Variants in PRKN observed in about 807,000 individuals in gnomAD.
PRKN encodes the protein E3 ubiquitin-protein ligase parkin.
In PRKN, 56 loss-of-function variants were observed where a neutral mutation model predicts 59.5. That is an observed-to-expected ratio of 0.94 (90% CI 0.76 to 1.18). The LOEUF is 1.18. Ranked by LOEUF, PRKN falls within the 50% of genes most tolerant of loss-of-function variation. PRKN has a pLI of 0.00. For missense variants in PRKN, 657 were observed against 596.4 expected, an observed-to-expected ratio of 1.10 and a Z score of -1.06; for synonymous variants, 250 against 222.1, an observed-to-expected ratio of 1.13 and a Z score of -1.12.
At chr6:161,877,884 T>C (rs1199263546) in intron 6 of PRKN, among the ~76,000 whole-genome samples, 1 of 152,106 alleles carries the variant, frequency 6.6e-6, no homozygotes, top group Admixed American at 6.5e-5. Context: ...GTCCCCTAAA[T>C]TCCCCCGTGT....
At chr6:162,050,000 T>C (rs564585300) in intron 5 of PRKN, among the ~76,000 whole-genome samples, 2 of 152,324 alleles carry the variant, frequency 1.3e-5, no homozygotes, top group East Asian at 3.9e-4. Context: ...CCTTAGTACA[T>C]TTTGAATCCG....
At chr6:162,156,278 G>C (rs554930732) in intron 4 of PRKN, among the ~76,000 whole-genome samples, 1 of 152,282 alleles carries the variant, frequency 6.6e-6, no homozygotes, top group South Asian at 2.1e-4. Flanking sequence ...TCCCTGAAGG[G>C]ACAGAACTAA....
intron 1 of PRKN, among the ~76,000 whole-genome samples, chr6:162,460,372 G>T (rs532806945): frequency 6.2e-4 from 95 of 152,290 alleles, no homozygotes; most frequent in Non-Finnish European, 1.1e-3. Context: ...ACAGTGTTTG[G>T]GGAGAAACAG....
intron 7 of PRKN, among the ~76,000 whole-genome samples, chr6:161,696,592 T>C (rs1351249175): frequency 6.6e-6 from 1 of 152,226 alleles, no homozygotes; most frequent in Non-Finnish European, 1.5e-5. Flanking sequence ...TTGGTCTTTC[T>C]ATTTCTGTAA....
At chr6:162,180,619 C>T (rs778805056) in intron 4 of PRKN, among the ~76,000 whole-genome samples, 1 of 152,194 alleles carries the variant, frequency 6.6e-6, no homozygotes, top group Non-Finnish European at 1.5e-5. Flanking sequence ...CGAATCTTTT[C>T]TCCTCCTTTT....
intron 2 of PRKN, among the ~76,000 whole-genome samples, chr6:162,378,433 G>A (rs1786241904): frequency 6.6e-6 from 1 of 152,210 alleles, no homozygotes; most frequent in South Asian, 2.1e-4. Context: ...TCAATGAGGT[G>A]GGCCCCTGGG....
chr6:161,382,928 G>T (rs143903496), intron 10 of PRKN, among the ~76,000 whole-genome samples: 4 of 152,296 alleles, frequency 2.6e-5, no homozygotes, highest in African/African-American at 9.6e-5. Context: ...AATGCTAAAG[G>T]GAAGAACAGC....
intron 9 of PRKN, among the ~76,000 whole-genome samples, chr6:161,535,648 A>G (rs1779386261): frequency 6.6e-6 from 1 of 152,210 alleles, no homozygotes; most frequent in South Asian, 2.1e-4. Context: ...TCGGAATACG[A>G]GTACGATGTT....
chr6:162,403,108 T>C (rs1226684877), intron 2 of PRKN, among the ~76,000 whole-genome samples: 1 of 152,190 alleles, frequency 6.6e-6, no homozygotes, highest in Non-Finnish European at 1.5e-5. Context: ...GTTCTCAACA[T>C]AACTGGCCAA....
At chr6:161,796,501 TAATGA>T (rs1247886930) in intron 6 of PRKN, among the ~76,000 whole-genome samples, 1 of 152,138 alleles carries the variant, frequency 6.6e-6, no homozygotes, top group African/African-American at 2.4e-5. Flanking sequence ...GGATAAATCA[TAATGA>T]AATAATTGTT....
intron 2 of PRKN, among the ~76,000 whole-genome samples, chr6:162,408,797 C>T (rs73035711): frequency 0.11 from 16,045 of 152,110 alleles, 1,067 homozygotes; most frequent in African/African-American, 0.19. Context: ...ACCATGGACA[C>T]AATCACATAT....
At chr6:162,101,797 T>G (rs1307119062) in intron 4 of PRKN, among the ~76,000 whole-genome samples, 1 of 152,222 alleles carries the variant, frequency 6.6e-6, no homozygotes, top group East Asian at 1.9e-4. Flanking sequence ...GGTAGTGTGA[T>G]GCCTCCAGCT....
In PRKN at chr6:161,379,481, C is replaced by T. The variant is rs950099600; in HGVS notation, c.1167+7313G>A. ...GTCTCCAGGCAGTGCAAGGGGCAGA[C>T]GACAGCAGATGCTGTGAGGCTGGCC... is the stretch of plus-strand genomic sequence containing the variant. On this transcript the variant is annotated intron_variant, in intron 10 of 11. Coordinates refer to ENST00000366898, the MANE Select transcript of PRKN (RefSeq NM_004562.3). This position sits in a 1 kb window ranked among gnomAD's most constrained non-coding sequence, Gnocchi z 4.9. 3.3e-5 allele frequency among the ~76,000 whole-genome samples: 5 copies of T among 152,212 alleles called. No homozygotes were observed. Among genetic ancestry groups the T allele is most frequent in the South Asian group, 2.1e-4 (1 of 4,832 alleles).
chr6:162,467,600 T>G (rs541507301), intron 1 of PRKN, among the ~76,000 whole-genome samples: 1 of 152,170 alleles, frequency 6.6e-6, no homozygotes. Flanking sequence ...GACCATTATC[T>G]GTCTTTTGAA....
intron 7 of PRKN, among the ~76,000 whole-genome samples, chr6:161,653,232 C>G (rs904464154): frequency 6.6e-6 from 1 of 152,040 alleles, no homozygotes; most frequent in Non-Finnish European, 1.5e-5. Context: ...GGCGTGGTGG[C>G]GCATGCCTGT....
In PRKN at chr6:162,074,576, G is replaced by A. The variant is rs201748745; in HGVS notation, c.535-20402C>T. Among the ~76,000 whole-genome samples the A allele has an allele frequency of 4.2e-4, 64 of 151,520 alleles. No individual in the cohort carries two copies. In the East Asian group the frequency reaches 9.6e-3, roughly 23 times the overall value. ...GCACACCAGCATGGCACATGTATAC[G>A]TATGTAACTAACCTGCACAATGTGC... is the stretch of plus-strand genomic sequence containing the variant. On this transcript the variant is annotated intron_variant, in intron 4 of 11. Coordinates refer to ENST00000366898, the MANE Select transcript of PRKN (RefSeq NM_004562.3).
chr6:161,389,500 C>T (rs905193692), intron 9 of PRKN, among the ~76,000 whole-genome samples: 1 of 152,222 alleles, frequency 6.6e-6, no homozygotes, highest in Non-Finnish European at 1.5e-5. Flanking sequence ...AACGTCCTTA[C>T]ACAAATCACC....
At chr6:161,656,195 G>A (rs1026914136) in intron 7 of PRKN, among the ~76,000 whole-genome samples, 7 of 152,198 alleles carry the variant, frequency 4.6e-5, no homozygotes, top group Admixed American at 6.5e-5. Flanking sequence ...GTCAAGGAGC[G>A]AAATCCTCAG....
intron 1 of PRKN, among the ~76,000 whole-genome samples, chr6:162,601,537 C>A (rs942396742): frequency 1.3e-5 from 2 of 152,094 alleles, no homozygotes; most frequent in Non-Finnish European, 2.9e-5. Context: ...GTTTTCGTTT[C>A]TTTTAGGTTA....
Sources: allele counts gnomAD v4.1 joint callset (sites outside exome capture counted in the v4.1 genomes callset), GRCh38; gene constraint gnomAD v4.1.1; non-coding constraint Gnocchi (gnomAD v3.1); transcripts MANE v1.5; gene names NCBI Gene and HGNC (gene_info 2026-07-23, HGNC 2026-07-21).